AP3S2: variants seen among roughly 807,000 people sequenced by gnomAD.
The protein encoded by AP3S2 is adaptor related protein complex 3 subunit sigma 2, also known as AP-3 complex subunit sigma-2.
AP3S2 carries 22 observed loss-of-function variants against 23.4 expected under a neutral mutation model. The observed-to-expected ratio is 0.94, with a 90% confidence interval of 0.67 to 1.34. AP3S2 has a LOEUF of 1.34. Ranked by LOEUF, AP3S2 falls within the 40% of genes most tolerant of loss-of-function variation. The probability of loss-of-function intolerance (pLI) is 0.00; values close to 1 mark genes in which losing one functional copy is unlikely to be tolerated. For missense variants in AP3S2, 241 were observed against 236.9 expected, an observed-to-expected ratio of 1.02 and a Z score of -0.11; for synonymous variants, 86 against 87.1, an observed-to-expected ratio of 0.99 and a Z score of 0.07.
chr15:89,881,237 A>G (rs1452198277), intron 3 of AP3S2, among the ~76,000 whole-genome samples: 3 of 152,140 alleles, frequency 2.0e-5, no homozygotes, highest in African/African-American at 7.2e-5. Flanking sequence ...GAGGCAAAGG[A>G]GCCGGACCAT....
At chr15:89,839,111 CA>C (rs1895264995) in intron 4 of AP3S2, among the ~76,000 whole-genome samples, 1 of 152,190 alleles carries the variant, frequency 6.6e-6, no homozygotes, top group Non-Finnish European at 1.5e-5. Context: ...ATATGTGTTC[CA>C]GGGGGCAAAT....
intron 3 of AP3S2, chr15:89,883,806 A>T (rs1896628873): frequency 6.6e-6 from 1 of 152,234 alleles, no homozygotes; most frequent in South Asian, 2.1e-4. Context: ...CTAGGTGATA[A>T]GGGGAAAGGG....
intron 4 of AP3S2, among the ~76,000 whole-genome samples, chr15:89,858,517 GAGAGAGAGAAAGAAAGAAAGAA>G (rs1364753371): frequency 6.6e-4 from 33 of 50,360 alleles, no homozygotes; most frequent in African/African-American, 1.3e-3. Flanking sequence ...GAGAGAGAGA[GAGAGAGAGAAAGAAAGAAAGAA>G]AGAAAGAAAG....
chr15:89,837,257 T>C (rs1221296277), intron 5 of AP3S2, among the ~76,000 whole-genome samples: 2 of 152,098 alleles, frequency 1.3e-5, no homozygotes, highest in East Asian at 3.9e-4. Context: ...GAAACCACAC[T>C]GGACTAGGGA....
In AP3S2 at chr15:89,859,399, C is replaced by CT. The variant is rs58123055; in HGVS notation, c.345+12075dup. Among the ~76,000 whole-genome samples the CT allele has an allele frequency of 1.9e-4, 23 of 118,032 alleles. 3 individuals carry two copies. Among genetic ancestry groups the CT allele is most frequent in the East Asian group, 4.8e-4 (2 of 4,198 alleles). The allele number at this position is 118,032 out of a possible 152,430, so 77.4% of individuals were successfully genotyped here. On this transcript the variant is annotated intron_variant, in intron 4 of 5. Coordinates refer to ENST00000336418, the MANE Select transcript of AP3S2 (RefSeq NM_005829.5). Reference sequence around the variant, plus strand: ...CTTCCTTCCTTCCTTTTCTTTCTTTCTTTTTTTTTTTTGAGATGGAGTCCT... The same window carrying CT: ...CTTCCTTCCTTCCTTTTCTTTCTTTCTTTTTTTTTTTTTGAGATGGAGTCCT...
intron 4 of AP3S2, among the ~76,000 whole-genome samples, chr15:89,865,188 C>T (rs968334163): frequency 2.0e-5 from 3 of 152,028 alleles, no homozygotes; most frequent in Non-Finnish European, 4.4e-5. Flanking sequence ...CAGTTAGGGA[C>T]CCAGGCCCTG....
Position 89,888,602 on chromosome 15 carries a change from G to C in AP3S2, c.192C>G (p.Ile64Met), listed in dbSNP as rs768218058. Residue 64 changes from isoleucine to methionine, a missense_variant, in exon 3 of 6, where the codon ATC becomes ATG. Ile to Met is a conservative substitution (Grantham distance 10). Coordinates refer to ENST00000336418, the MANE Select transcript of AP3S2 (RefSeq NM_005829.5). Reference sequence around the variant, plus strand: ...AGTAGAGGGTAGCATAGTGCCGGTAGATCAGTTTGTAGTCAGAGCCACCAA... The same window carrying C: ...AGTAGAGGGTAGCATAGTGCCGGTACATCAGTTTGTAGTCAGAGCCACCAA... ...SLIGGSDYKLIYRHYATLYFV... is the reference protein window; with the variant it reads ...SLIGGSDYKLMYRHYATLYFV... The C allele has an allele frequency of 9.3e-6, 15 of 1,614,208 alleles. No individual in the cohort carries two copies. In the South Asian group the frequency reaches 1.6e-4, roughly 18 times the overall value.
At chr15:89,860,633 A>T (rs906778145) in intron 4 of AP3S2, among the ~76,000 whole-genome samples, 2 of 152,228 alleles carry the variant, frequency 1.3e-5, no homozygotes, top group African/African-American at 4.8e-5. Flanking sequence ...GTGAAACTGC[A>T]GATAAAACTG....
chr15:89,859,408 T>C (rs1486755089), intron 4 of AP3S2, among the ~76,000 whole-genome samples: 1 of 147,858 alleles, frequency 6.8e-6, no homozygotes, highest in African/African-American at 2.5e-5. Flanking sequence ...TCTTTTTTTT[T>C]TTTGAGATGG....
chr15:89,853,103 G>A lies in AP3S2; in HGVS notation c.346-15381C>T, dbSNP rs149140028. 4.9e-3 allele frequency among the ~76,000 whole-genome samples: 750 copies of A among 152,304 alleles called. 3 individuals are homozygous for A. Among genetic ancestry groups the A allele is most frequent in the African/African-American group, 0.017 (689 of 41,548 alleles). On this transcript the variant is annotated intron_variant, in intron 4 of 5. Transcript: ENST00000336418. The stretch of plus-strand genomic sequence containing the variant: ...TGAACTATCATAAGGTTTTGAGGAA[G>A]GTGGTGGAGGGGAGTGAGGCATGTC...
At chr15:89,873,598 C>A (rs543641279) in intron 3 of AP3S2, among the ~76,000 whole-genome samples, 1 of 152,010 alleles carries the variant, frequency 6.6e-6, no homozygotes, top group African/African-American at 2.4e-5. Flanking sequence ...GTCTTATTTT[C>A]TCATCTTTTC....
At chr15:89,867,718 G>A (rs950671630) in intron 4 of AP3S2, among the ~76,000 whole-genome samples, 2 of 137,486 alleles carry the variant, frequency 1.5e-5, no homozygotes, top group African/African-American at 5.4e-5. Flanking sequence ...CGTCTGGGAG[G>A]TAAGGAGCGT....
chr15:89,844,589 T>C (rs1438277502), intron 4 of AP3S2, among the ~76,000 whole-genome samples: 1 of 151,796 alleles, frequency 6.6e-6, no homozygotes, highest in African/African-American at 2.4e-5. Context: ...GCTCAAGGGA[T>C]CCTCCCGCCT....
intron 4 of AP3S2, among the ~76,000 whole-genome samples, chr15:89,859,806 C>G (rs1895969526): frequency 6.7e-6 from 1 of 150,182 alleles, no homozygotes. Context: ...CTCTGTCACC[C>G]AGGCTGGAGT....
chr15:89,869,817 G>A (rs907667573), intron 4 of AP3S2, among the ~76,000 whole-genome samples: 5 of 151,526 alleles, frequency 3.3e-5, no homozygotes, highest in African/African-American at 9.7e-5. Flanking sequence ...GCAGTGGCGC[G>A]ACCTCGGCTC....
chr15:89,887,164 A>G (rs4932261), intron 3 of AP3S2, among the ~76,000 whole-genome samples: 108,902 of 152,056 alleles, frequency 0.72, 39,232 homozygotes, highest in East Asian at 0.81. Context: ...GTATTTAAAA[A>G]TTATCTCCGA....
chr15:89,877,164 T>C (rs1333733693), intron 3 of AP3S2: 3 of 442,792 alleles, frequency 6.8e-6, no homozygotes, highest in Non-Finnish European at 1.3e-5. Context: ...TAGAAGACTT[T>C]GAAGCAATAG....
intron 4 of AP3S2, among the ~76,000 whole-genome samples, chr15:89,855,093 A>G (rs1314510988): frequency 7.1e-6 from 1 of 141,008 alleles, no homozygotes; most frequent in Non-Finnish European, 1.5e-5. Flanking sequence ...AAGGCGGGAA[A>G]GGTGGGGAAA....
At position 89,835,399 on chromosome 15, in the gene AP3S2, T is replaced by A; in HGVS notation, c.*116A>T. ...AACAGTCTTCCCCAGACACAAAGTT[T>A]CCAGGTCCTGAGGCTTGACTCTTCT... is the stretch of plus-strand genomic sequence containing the variant. On this transcript the variant is annotated 3_prime_UTR_variant, in exon 6 of 6. Transcript: ENST00000336418. 1 of 1,516,616 alleles carries A rather than the reference T, an allele frequency of 6.6e-7. No homozygotes were observed. Among genetic ancestry groups the A allele is most frequent in the East Asian group, 2.3e-5 (1 of 44,048 alleles). The allele number at this position is 1,516,616 out of a possible 1,614,324, so 93.9% of individuals were successfully genotyped here.
Sources: allele counts gnomAD v4.1 joint callset (sites outside exome capture counted in the v4.1 genomes callset), GRCh38; gene constraint gnomAD v4.1.1; transcripts MANE v1.5; gene names NCBI Gene and HGNC (gene_info 2026-07-23, HGNC 2026-07-21).